The following ZFPM2 variants were observed in gnomAD, a reference collection of about 807,000 sequenced individuals.
ZFPM2 encodes the protein zinc finger protein ZFPM2.
Under a neutral mutation model 98.6 loss-of-function variants are expected in ZFPM2, and 20 were observed. That is an observed-to-expected ratio of 0.20 (90% CI 0.14 to 0.29). The LOEUF is 0.29. Among genes scored for constraint, ZFPM2 ranks in the 10% least tolerant of loss-of-function variants. The probability of loss-of-function intolerance (pLI) is 1.00; values close to 1 mark genes in which losing one functional copy is unlikely to be tolerated. For synonymous variants in ZFPM2, 518 were observed against 502.7 expected (o/e 1.03, Z -0.41); for missense variants, 1,310 against 1,388.6 (o/e 0.94, Z 0.90).
At chr8:105,424,518 A>G (rs986751350) in intron 2 of ZFPM2, among the ~76,000 whole-genome samples, 6 of 152,210 alleles carry the variant, frequency 3.9e-5, no homozygotes, top group Admixed American at 2.6e-4. Flanking sequence ...AATTCTCACT[A>G]CATTCAAAAA....
chr8:105,597,462 AT>A (rs1248218856), intron 4 of ZFPM2, among the ~76,000 whole-genome samples: 2 of 152,062 alleles, frequency 1.3e-5, no homozygotes, highest in Admixed American at 1.3e-4. Context: ...CCCCTGTGTG[AT>A]TTTCTCATGA....
intron 5 of ZFPM2, among the ~76,000 whole-genome samples, chr8:105,721,846 T>C (rs1173358400): frequency 1.3e-5 from 2 of 151,978 alleles, no homozygotes; most frequent in African/African-American, 4.8e-5. Flanking sequence ...GAGGCATGGC[T>C]GGTTGCACTA....
chr8:105,376,274 A>G (rs1810723588), intron 1 of ZFPM2, among the ~76,000 whole-genome samples: 1 of 152,126 alleles, frequency 6.6e-6, no homozygotes, highest in Admixed American at 6.5e-5. Context: ...TTGAATGGCT[A>G]CTTCTCAGTT....
chr8:105,649,752 G>A (rs1472270082), intron 5 of ZFPM2, among the ~76,000 whole-genome samples: 1 of 152,078 alleles, frequency 6.6e-6, no homozygotes, highest in East Asian at 1.9e-4. Flanking sequence ...TGGTGGATAA[G>A]CTTTTTGATG....
At chr8:105,394,756 C>A (rs915702993) in intron 1 of ZFPM2, among the ~76,000 whole-genome samples, 2 of 152,162 alleles carry the variant, frequency 1.3e-5, no homozygotes, top group Admixed American at 1.3e-4. Flanking sequence ...CATGCCTTTT[C>A]CACCCTTGAG....
At chr8:105,631,485 C>T (rs190575621) in intron 4 of ZFPM2, among the ~76,000 whole-genome samples, 116 of 152,184 alleles carry the variant, frequency 7.6e-4, no homozygotes, top group African/African-American at 2.7e-3. Flanking sequence ...CAGCCTTTGC[C>T]CACACTGTTT....
intron 5 of ZFPM2, among the ~76,000 whole-genome samples, chr8:105,691,231 CTTTTTTTTTTTT>C (rs869164122): frequency 7.4e-5 from 5 of 67,964 alleles, no homozygotes; most frequent in Admixed American, 1.6e-4. Context: ...CCCAAAGAGA[CTTTTTTTTTTTT>C]TTTTTTTTTT....
intron 5 of ZFPM2, among the ~76,000 whole-genome samples, chr8:105,729,525 A>G (rs1415991646): frequency 6.6e-6 from 1 of 151,724 alleles, no homozygotes; most frequent in East Asian, 1.9e-4. Flanking sequence ...TTCTTTACAT[A>G]TTCCTACATG....
At chr8:105,465,395 C>CTA (rs966281804) in intron 3 of ZFPM2, among the ~76,000 whole-genome samples, 7 of 151,808 alleles carry the variant, frequency 4.6e-5, no homozygotes, top group East Asian at 1.9e-4. Flanking sequence ...CTGTAACTGT[C>CTA]TATATATATG....
chr8:105,763,273 T>C (rs1812776195), intron 5 of ZFPM2, among the ~76,000 whole-genome samples: 1 of 151,770 alleles, frequency 6.6e-6, no homozygotes, highest in African/African-American at 2.4e-5. Context: ...TATTCCAAAA[T>C]TGCAGCGGAC....
intron 6 of ZFPM2, among the ~76,000 whole-genome samples, chr8:105,796,061 T>TTATC (rs1437677808): frequency 2.0e-5 from 3 of 152,242 alleles, no homozygotes; most frequent in African/African-American, 7.2e-5. Context: ...ATTAAAGAAA[T>TTATC]TATCAGATGA....
At chr8:105,782,680 G>A (rs1262642654) in intron 5 of ZFPM2, among the ~76,000 whole-genome samples, 1 of 151,884 alleles carries the variant, frequency 6.6e-6, no homozygotes, top group Non-Finnish European at 1.5e-5. Context: ...CTTCATTATT[G>A]TAATTTTGGG....
intron 5 of ZFPM2, among the ~76,000 whole-genome samples, chr8:105,663,576 C>G (rs1455398899): frequency 2.0e-5 from 3 of 152,100 alleles, no homozygotes; most frequent in Non-Finnish European, 2.9e-5. Flanking sequence ...AAAATGGCTA[C>G]TATTATGATG....
At chr8:105,455,579 A>G (rs1812572542) in intron 3 of ZFPM2, among the ~76,000 whole-genome samples, 1 of 145,734 alleles carries the variant, frequency 6.9e-6, no homozygotes, top group Non-Finnish European at 1.5e-5. Context: ...TCACATGCTC[A>G]TATTTGCATT....
intron 3 of ZFPM2, among the ~76,000 whole-genome samples, chr8:105,507,547 A>T (rs1044879471): frequency 1.3e-5 from 2 of 152,244 alleles, no homozygotes; most frequent in Admixed American, 1.3e-4. Flanking sequence ...TGTGAAATTC[A>T]AATGTGAAAA....
At position 105,787,449 on chromosome 8, in the gene ZFPM2, C is replaced by T. The variant is rs527908186; in HGVS notation, c.533-1269C>T. On this transcript the variant is annotated intron_variant, in intron 5 of 7. Coordinates refer to ENST00000407775, the MANE Select transcript of ZFPM2 (RefSeq NM_012082.4). ...CACAGATGGTGTTTTGTTTCCTTAC[C>T]TTTAAAACTTAATCAGCTGGCTTAA... 2.0e-5 allele frequency: 3 copies of T among 152,156 alleles called. No individual in the cohort carries two copies. The South Asian group carries it at 6.2e-4, about 32-fold the overall frequency. The allele number at this position is 152,156 out of a possible 1,614,324, so 9.4% of individuals were successfully genotyped here. A position where few individuals can be genotyped will look rare whatever the true frequency, so the allele number is the denominator to read the frequency against.
chr8:105,561,431 A>G lies in ZFPM2; in HGVS notation c.370A>G (p.Thr124Ala). Residue 124 changes from threonine (T) to alanine (A), a missense_variant, in exon 4 of 8, where the codon ACA becomes GCA. Transcript: ENST00000407775. ...IQSRQQLPVG[T>A]TWGPFPGKMD... is the part of the protein sequence containing the mutation. ...GAGTCGACAGCAACTTCCAGTGGGA[A>G]CAACCTGGGGGCCGTTTCCTGGGAA... 1 of 1,613,538 alleles carries G rather than the reference A, an allele frequency of 6.2e-7. No homozygotes were observed. Among genetic ancestry groups the G allele is most frequent in the South Asian group, 1.1e-5 (1 of 91,058 alleles).
Position 105,444,319 on chromosome 8 carries a change from G to A in ZFPM2, c.239G>A (p.Gly80Glu). The A allele has an allele frequency of 6.2e-7, 1 of 1,612,350 alleles. No individual in the cohort carries two copies. Among genetic ancestry groups the A allele is most frequent in the Non-Finnish European group, 8.5e-7 (1 of 1,179,234 alleles). ...EGIQETAESD[G>E]DTQSEKPGQP... The stretch of plus-strand genomic sequence containing the variant: ...ATCCAGGAGACAGCAGAATCAGATG[G>A]GGACACACAGTCAGAGAAACCGGGG... The change falls in exon 3 of 8, where the codon GGG (glycine) becomes GAG (glutamate). Residue 80 changes from glycine to glutamate, a missense_variant. Physicochemically the swap from Gly to Glu is moderately conservative, Grantham distance 98 (BLOSUM62 -2). Transcript: ENST00000407775.
At chr8:105,364,112 T>A (rs1003106902) in intron 1 of ZFPM2, among the ~76,000 whole-genome samples, 2 of 152,122 alleles carry the variant, frequency 1.3e-5, no homozygotes, top group Non-Finnish European at 2.9e-5. Flanking sequence ...TAAATGGATA[T>A]TTTTATAGGC....
Sources: gnomAD v4.1 joint callset for allele counts (sites outside exome capture counted in the v4.1 genomes callset) on GRCh38, gnomAD v4.1.1 for gene constraint, MANE v1.5 for transcripts, NCBI Gene and HGNC (gene_info 2026-07-23, HGNC 2026-07-21) for gene names.